The following SNX29 variants were observed in gnomAD, a reference collection of about 807,000 sequenced individuals.
SNX29 encodes sorting nexin-29.
Under a neutral mutation model 102.1 loss-of-function variants are expected in SNX29, and 78 were observed. The observed-to-expected ratio is 0.76, with a 90% confidence interval of 0.64 to 0.92. The LOEUF (loss-of-function observed/expected upper bound fraction) is 0.92. Ranked by LOEUF, SNX29 falls within the 40% of genes least tolerant of loss-of-function variation. The pLI, the probability that SNX29 is intolerant of heterozygous loss-of-function variation, is 0.00. For synonymous variants in SNX29, 580 were observed against 414.5 expected, an observed-to-expected ratio of 1.40 and a Z score of -4.85; for missense variants, 1,280 against 1,061.7, an observed-to-expected ratio of 1.21 and a Z score of -2.86.
intron 11 of SNX29, among the ~76,000 whole-genome samples, chr16:12,110,612 G>A (rs960914970): frequency 2.0e-5 from 3 of 152,064 alleles, no homozygotes; most frequent in Non-Finnish European, 4.4e-5. Flanking sequence ...TTGGGCTTGC[G>A]GTGAGACAAA....
chr16:12,472,616 T>G (rs2087411358), intron 18 of SNX29, among the ~76,000 whole-genome samples: 1 of 151,486 alleles, frequency 6.6e-6, no homozygotes, highest in Non-Finnish European at 1.5e-5. Context: ...GCACTATTGA[T>G]TAGAACAGGG....
chr16:12,364,100 C>G (rs1300283390), intron 16 of SNX29, among the ~76,000 whole-genome samples: 1 of 152,118 alleles, frequency 6.6e-6, no homozygotes, highest in African/African-American at 2.4e-5. Flanking sequence ...TTAAGCAATC[C>G]TCCTGCCTCA....
intron 16 of SNX29, among the ~76,000 whole-genome samples, chr16:12,395,802 A>T (rs1384352317): frequency 6.7e-6 from 1 of 150,310 alleles, no homozygotes; most frequent in Non-Finnish European, 1.5e-5. Context: ...TTGCCAGAAT[A>T]TAAAATAGAA....
intron 20 of SNX29, among the ~76,000 whole-genome samples, chr16:12,552,036 C>G (rs571909814): frequency 6.6e-6 from 1 of 152,094 alleles, no homozygotes; most frequent in African/African-American, 2.4e-5. Flanking sequence ...AGTCCAGGCT[C>G]AGATGGGAAG....
chr16:12,067,158 C>T (rs1414361805), intron 9 of SNX29, among the ~76,000 whole-genome samples: 1 of 151,990 alleles, frequency 6.6e-6, no homozygotes, highest in Non-Finnish European at 1.5e-5. Flanking sequence ...GCTCTCCAGC[C>T]TGGGTGACAG....
At chr16:12,193,418 G>A (rs1212333739) in intron 13 of SNX29, among the ~76,000 whole-genome samples, 2 of 148,030 alleles carry the variant, frequency 1.4e-5, no homozygotes, top group South Asian at 2.1e-4. Flanking sequence ...GTAGTGAGCC[G>A]AGATCGCACC....
At chr16:12,491,992 G>A (rs62028457) in intron 19 of SNX29, among the ~76,000 whole-genome samples, 19,601 of 152,176 alleles carry the variant, frequency 0.13, 1,343 homozygotes, top group Non-Finnish European at 0.15. Context: ...ATAAACATAC[G>A]TGTGCGTGTG....
At position 12,048,443 on chromosome 16, in the gene SNX29, A is replaced by C; in HGVS notation, c.571A>C (p.Thr191Pro). Residue 191 changes from threonine to proline, a missense_variant, in exon 7 of 21, where the codon ACC becomes CCC. Thr to Pro is a conservative substitution (Grantham distance 38). Transcript: ENST00000566228. ...GAACGGGCAGAGTAAGTTTGCTCCC[A>C]CCGTTTCAGACCTCTTAAAGGAGTC... ...DLNGQSKFAP[T>P]VSDLLKESTQ... The C allele has an allele frequency of 5.0e-6, 8 of 1,613,724 alleles. No individual in the cohort carries two copies. Among genetic ancestry groups the C allele is most frequent in the Non-Finnish European group, 6.8e-6 (8 of 1,179,806 alleles).
chr16:12,408,163 AACAAACAAACAAAC>A (rs1473718063), intron 18 of SNX29, among the ~76,000 whole-genome samples: 3 of 150,490 alleles, frequency 2.0e-5, no homozygotes, highest in African/African-American at 7.5e-5. Flanking sequence ...TTCTCAAAAA[AACAAACAAACAAAC>A]AAAAAAAAAA....
At chr16:12,290,393 C>A (rs746533753) in intron 15 of SNX29, among the ~76,000 whole-genome samples, 2 of 152,098 alleles carry the variant, frequency 1.3e-5, no homozygotes, top group Non-Finnish European at 2.9e-5. Context: ...TCTTTCAGAT[C>A]TCATCCTGGA....
chr16:12,101,973 G>A (rs932531580), intron 11 of SNX29, among the ~76,000 whole-genome samples: 3 of 152,004 alleles, frequency 2.0e-5, no homozygotes, highest in Admixed American at 1.3e-4. Context: ...GTGTCCATGT[G>A]TTCTCATTGT....
At position 12,394,723 on chromosome 16, in the gene SNX29, C is replaced by T. The variant is rs148482489; in HGVS notation, c.1900-3723C>T. Among the ~76,000 whole-genome samples, 81 of 152,316 alleles carry T rather than the reference C, an allele frequency of 5.3e-4. 1 individual carries two copies. Among genetic ancestry groups the T allele is most frequent in the African/African-American group, 1.9e-3 (78 of 41,566 alleles). On this transcript the variant is annotated intron_variant, in intron 16 of 20. Transcript: ENST00000566228. The stretch of plus-strand genomic sequence containing the variant: ...CTCCACCTGGAGAAAGCCCGAGCAC[C>T]TGAAGGCACTGAGGCTGAGTGAGAG...
rs539522397 is a variant in SNX29 at position 12,570,137 on chromosome 16, C to G, written c.*1508C>G. 4 of 1,057,944 alleles carry G rather than the reference C, an allele frequency of 3.8e-6. No individual in the cohort carries two copies. Among genetic ancestry groups the G allele is most frequent in the African/African-American group, 3.3e-5 (2 of 60,858 alleles). 65.5% of individuals were successfully genotyped at this position (1,057,944 alleles called of 1,614,324 possible). On this transcript the variant is annotated 3_prime_UTR_variant, in exon 21 of 21. Coordinates refer to ENST00000566228, the MANE Select transcript of SNX29 (RefSeq NM_032167.5). ...GATTGTTCATGGCCTTTAAGGAAGGCTGAGATCACTCACACACAGCGCCCC... is the reference window on the plus strand; with the variant it reads ...GATTGTTCATGGCCTTTAAGGAAGGGTGAGATCACTCACACACAGCGCCCC...
At chr16:12,135,414 C>G in intron 13 of SNX29, 1 of 856,022 alleles carries the variant, frequency 1.2e-6, no homozygotes, top group Non-Finnish European at 1.7e-6. Flanking sequence ...GCAGCCCACC[C>G]AGGCCTGGAC....
intron 11 of SNX29, among the ~76,000 whole-genome samples, chr16:12,115,220 G>A (rs963142354): frequency 6.6e-6 from 1 of 152,050 alleles, no homozygotes; most frequent in Non-Finnish European, 1.5e-5. Flanking sequence ...ACTGCTGCTG[G>A]TGTTGTCTTC....
At chr16:12,170,560 C>T (rs767917986) in intron 13 of SNX29, among the ~76,000 whole-genome samples, 5 of 151,572 alleles carry the variant, frequency 3.3e-5, no homozygotes, top group African/African-American at 4.9e-5. Flanking sequence ...ATGGGCTGTT[C>T]GTGGGGCTGT....
rs1480159040 is a variant in SNX29, at chr16:12,130,844, A to G, written c.1595+1086A>G. 2.0e-5 allele frequency among the ~76,000 whole-genome samples: 3 copies of G among 151,942 alleles called. No individual in the cohort carries two copies. In the East Asian group the frequency reaches 5.8e-4, roughly 29 times the overall value. On this transcript the variant is annotated intron_variant, in intron 13 of 20. Transcript: ENST00000566228. ...TGCGTGGGGCTGCCCTCTGCTTTTT[A>G]AGAGCTCCTGACATTTCCTTGTCTG...
At chr16:12,373,128 C>T (rs1009934678) in intron 16 of SNX29, 1 of 152,078 alleles carries the variant, frequency 6.6e-6, no homozygotes. Flanking sequence ...TATTTCTTTA[C>T]ATTTTGTATT....
At chr16:12,563,623 C>G (rs576494737) in intron 20 of SNX29, among the ~76,000 whole-genome samples, 54 of 152,192 alleles carry the variant, frequency 3.5e-4, no homozygotes, top group African/African-American at 1.3e-3. Context: ...ACAGACGAGA[C>G]TGTCCTGGCC....
Sources: allele counts gnomAD v4.1 joint callset (sites outside exome capture counted in the v4.1 genomes callset), GRCh38; gene constraint gnomAD v4.1.1; transcripts MANE v1.5; gene names NCBI Gene and HGNC (gene_info 2026-07-23, HGNC 2026-07-21).